SP4: variants seen among roughly 807,000 people sequenced by gnomAD.
SP4 encodes transcription factor Sp4.
Under a neutral mutation model 72.8 loss-of-function variants are expected in SP4, and 19 were observed. The observed-to-expected ratio is 0.26, with a 90% CI of 0.18 to 0.38. SP4 has a LOEUF of 0.38. Ranked by LOEUF, SP4 falls within the 10% of genes least tolerant of loss-of-function variation. The pLI is 1.00. For missense variants in SP4, 1,008 were observed against 926.3 expected, an observed-to-expected ratio of 1.09 and a Z score of -1.14; for synonymous variants, 395 against 333.1, an observed-to-expected ratio of 1.19 and a Z score of -2.02.
At chr7:21,450,024 A>G (rs1783542942) in intron 3 of SP4, among the ~76,000 whole-genome samples, 1 of 151,966 alleles carries the variant, frequency 6.6e-6, no homozygotes, top group Non-Finnish European at 1.5e-5. Context: ...TTTATTTTAT[A>G]AAACTATTTT....
chr7:21,468,466 AATTAG>A lies in SP4; in HGVS notation c.1679-8609_1679-8605del, dbSNP rs1411219502. On this transcript the variant is annotated intron_variant, in intron 3 of 5. Transcript: ENST00000222584. ...CTTCCTCAAGATCTTGCATATTACT[AATTAG>A]ATTGATTTCTCAGATATTTGTGGTT... 2.0e-5 allele frequency among the ~76,000 whole-genome samples: 3 copies of A among 151,776 alleles called. No individual in the cohort carries two copies. The East Asian group carries it at 5.8e-4, about 29-fold the overall frequency.
At chr7:21,432,826 T>C (rs1440810844) in intron 3 of SP4, among the ~76,000 whole-genome samples, 1 of 151,990 alleles carries the variant, frequency 6.6e-6, no homozygotes, top group Non-Finnish European at 1.5e-5. Flanking sequence ...AGACCCCGTC[T>C]CTACAAAAAA....
At chr7:21,432,544 A>G (rs1237459801) in intron 3 of SP4, among the ~76,000 whole-genome samples, 2 of 152,218 alleles carry the variant, frequency 1.3e-5, no homozygotes, top group Non-Finnish European at 2.9e-5. Flanking sequence ...TCCCTTAGCC[A>G]TTGTGAGGGT....
rs370083838 is a variant in SP4, at chr7:21,477,373, T to A, written c.1907+66T>A. ...TAAAACAGCAGTTAAAACCAAGTAA[T>A]TGGCTGGGAATGATGGTCACTAGAA... On this transcript the variant is annotated intron_variant, in intron 4 of 5. Transcript: ENST00000222584. 2.8e-4 allele frequency: 273 copies of A among 983,134 alleles called. 2 individuals carry two copies. The African/African-American group carries it at 3.9e-3, about 14-fold the overall frequency. 60.9% of individuals were successfully genotyped at this position (983,134 alleles called of 1,614,324 possible).
At chr7:21,461,403 G>A (rs980896418) in intron 3 of SP4, among the ~76,000 whole-genome samples, 9 of 152,206 alleles carry the variant, frequency 5.9e-5, no homozygotes, top group African/African-American at 1.7e-4. Flanking sequence ...CTAAGGCCTG[G>A]CGAGAAATCG....
intron 5 of SP4, among the ~76,000 whole-genome samples, chr7:21,503,695 C>T (rs1228766239): frequency 2.0e-5 from 3 of 152,192 alleles, no homozygotes; most frequent in Non-Finnish European, 4.4e-5. Context: ...AATCTACCAT[C>T]ACCAGTAAAT....
chr7:21,478,130 T>C (rs1319965119), intron 4 of SP4, among the ~76,000 whole-genome samples: 1 of 152,236 alleles, frequency 6.6e-6, no homozygotes, highest in African/African-American at 2.4e-5. Flanking sequence ...AATCATGGTC[T>C]TTTGTGACTG....
In SP4 at chr7:21,428,205, C is replaced by T. The variant is rs1562576730; in HGVS notation, c.-47C>T. ...CCCGCCTCGCCCCCACCCCCACCCACCTCTATCCCAGTGTCTCCGTCTGAG... is the reference window on the plus strand; with the variant it reads ...CCCGCCTCGCCCCCACCCCCACCCATCTCTATCCCAGTGTCTCCGTCTGAG... On this transcript the variant is annotated 5_prime_UTR_variant, in exon 1 of 6. Transcript: ENST00000222584. 3.1e-6 allele frequency: 4 copies of T among 1,279,122 alleles called. 1 individual carries two copies. The South Asian group carries it at 5.1e-5, about 16-fold the overall frequency. 79.2% of individuals were successfully genotyped at this position (1,279,122 alleles called of 1,614,324 possible).
chr7:21,455,184 G>A (rs1013874625), intron 3 of SP4, among the ~76,000 whole-genome samples: 25 of 152,152 alleles, frequency 1.6e-4, no homozygotes, highest in African/African-American at 5.8e-4. Context: ...GCTTGTGGCA[G>A]AGGGGTCAAG....
chr7:21,497,768 CAA>C (rs1351475006), intron 5 of SP4, among the ~76,000 whole-genome samples: 3 of 152,194 alleles, frequency 2.0e-5, no homozygotes, highest in East Asian at 1.9e-4. Context: ...ATAGTTAAAA[CAA>C]AGTGGATTAA....
rs1171818288 is a variant in SP4, at chr7:21,428,121, G to C, written c.-131G>C. On this transcript the variant is annotated 5_prime_UTR_variant, in exon 1 of 6. Coordinates refer to ENST00000222584, the MANE Select transcript of SP4 (RefSeq NM_003112.5). ...GGCCATTCGCGGAAAAAGAGGCAGA[G>C]CCTGTGCCAGCTACAGCCTCCTCCG... The C allele has an allele frequency of 8.5e-6, 6 of 708,898 alleles. No individual in the cohort carries two copies. Among genetic ancestry groups the C allele is most frequent in the Non-Finnish European group, 1.6e-5 (6 of 380,992 alleles). The allele number at this position is 708,898 out of a possible 1,614,324, so 43.9% of individuals were successfully genotyped here. A position where few individuals can be genotyped will look rare whatever the true frequency, so the allele number is the denominator to read the frequency against.
rs1364967532 is a variant in SP4 at position 21,514,545 on chromosome 7, T to A, written c.*3276T>A. The A allele has an allele frequency of 1.4e-4, 15 of 106,368 alleles. No individual in the cohort carries two copies. Among genetic ancestry groups the A allele is most frequent in the East Asian group, 6.2e-4 (2 of 3,234 alleles). 6.6% of individuals were successfully genotyped at this position (106,368 alleles called of 1,614,324 possible). ...AATTTTTTTTGTAAAAAAAAAAAAA[T>A]GAAAAAAAAAGATGAATCCAGAAAA... On this transcript the variant is annotated 3_prime_UTR_variant, in exon 6 of 6. Coordinates refer to ENST00000222584, the MANE Select transcript of SP4 (RefSeq NM_003112.5).
intron 5 of SP4, among the ~76,000 whole-genome samples, chr7:21,484,759 A>G (rs901398513): frequency 6.6e-6 from 1 of 151,902 alleles, no homozygotes; most frequent in Non-Finnish European, 1.5e-5. Context: ...TTGGAACCTC[A>G]CATTATGATT....
intron 5 of SP4, among the ~76,000 whole-genome samples, chr7:21,501,950 A>G (rs1362205591): frequency 5.9e-5 from 9 of 151,412 alleles, no homozygotes; most frequent in Non-Finnish European, 1.2e-4. Context: ...GATGTAGTTA[A>G]TCTAGTCCAC....
intron 5 of SP4, among the ~76,000 whole-genome samples, chr7:21,491,338 A>T (rs75862860): frequency 0.088 from 13,468 of 152,238 alleles, 1,062 homozygotes; most frequent in East Asian, 0.28. Context: ...GAGATTGAAG[A>T]TAGACCACTG....
chr7:21,445,988 A>ATGTGTG (rs4000966), intron 3 of SP4, among the ~76,000 whole-genome samples: 50 of 143,228 alleles, frequency 3.5e-4, no homozygotes, highest in South Asian at 6.8e-4. Context: ...TCTTATGTGT[A>ATGTGTG]TGTGTGTGTG....
intron 3 of SP4, among the ~76,000 whole-genome samples, chr7:21,444,390 T>C (rs1255060090): frequency 6.6e-6 from 1 of 152,234 alleles, no homozygotes; most frequent in Non-Finnish European, 1.5e-5. Context: ...ATGCAGCACT[T>C]GATCTATTAA....
At chr7:21,465,280 T>A (rs373329649) in intron 3 of SP4, among the ~76,000 whole-genome samples, 2 of 152,158 alleles carry the variant, frequency 1.3e-5, no homozygotes, top group African/African-American at 4.8e-5. Context: ...AGCATCAGAA[T>A]TGATAGACAG....
chr7:21,490,010 T>C (rs1421765842), intron 5 of SP4, among the ~76,000 whole-genome samples: 1 of 152,228 alleles, frequency 6.6e-6, no homozygotes, highest in Non-Finnish European at 1.5e-5. Context: ...CTGTTGCCCT[T>C]TGTGTCCACT....
Sources: allele counts gnomAD v4.1 joint callset (sites outside exome capture counted in the v4.1 genomes callset), GRCh38; gene constraint gnomAD v4.1.1; transcripts MANE v1.5; gene names NCBI Gene and HGNC (gene_info 2026-07-23, HGNC 2026-07-21).